PAPPA: variants seen among roughly 807,000 people sequenced by gnomAD.
PAPPA encodes the protein pappalysin-1.
PAPPA carries 60 observed loss-of-function variants against 164.0 expected under a neutral mutation model. That is an observed-to-expected ratio of 0.37 (90% CI 0.30 to 0.45). The LOEUF is 0.45. Among genes scored for constraint, PAPPA ranks in the 20% least tolerant of loss-of-function variants. PAPPA has a pLI of 1.00. For missense variants in PAPPA, 1,782 were observed against 2,087.3 expected (o/e 0.85, Z 2.85); for synonymous variants, 875 against 814.1 (o/e 1.07, Z -1.27).
intron 7 of PAPPA, 143 bp downstream of exon 7, chr9:116,235,780 A>G (rs535589403): frequency 1.2e-6 from 1 of 821,682 alleles, no homozygotes; most frequent in East Asian, 2.4e-5. Flanking sequence ...TTGGGTGTAG[A>G]TTTGTCTTAA....
chr9:116,341,692 G>A (rs184414736), intron 13 of PAPPA, among the ~76,000 whole-genome samples: 6 of 152,248 alleles, frequency 3.9e-5, no homozygotes, highest in South Asian at 2.1e-4. Flanking sequence ...TATCCCCTCC[G>A]TCCACTATAT....
intron 10 of PAPPA, among the ~76,000 whole-genome samples, chr9:116,328,141 A>G (rs755189935): frequency 3.9e-5 from 6 of 152,182 alleles, no homozygotes; most frequent in Admixed American, 1.3e-4. Context: ...AAGACCCCCA[A>G]TCCAGCCTTC....
intron 2 of PAPPA, among the ~76,000 whole-genome samples, chr9:116,192,334 T>G (rs1844052926): frequency 6.6e-6 from 1 of 152,104 alleles, no homozygotes; most frequent in Non-Finnish European, 1.5e-5. Context: ...GAGTGGTGTA[T>G]AGAAGAGAGC....
intron 7 of PAPPA, among the ~76,000 whole-genome samples, chr9:116,254,691 A>G (rs1844902683): frequency 6.7e-6 from 1 of 149,398 alleles, no homozygotes; most frequent in African/African-American, 2.5e-5. Context: ...CTGAGGCAGG[A>G]GAATGGCGTG....
intron 1 of PAPPA, among the ~76,000 whole-genome samples, chr9:116,165,552 C>T (rs1344087834): frequency 1.3e-5 from 2 of 152,044 alleles, no homozygotes; most frequent in Admixed American, 1.3e-4. Flanking sequence ...ATTATAATGC[C>T]CACTTCTCTG....
At chr9:116,364,808 A>G (rs1846478358) in intron 18 of PAPPA, among the ~76,000 whole-genome samples, 2 of 152,178 alleles carry the variant, frequency 1.3e-5, no homozygotes, top group Non-Finnish European at 1.5e-5. Context: ...GAGTGTTTTC[A>G]TGGTCAAAGC....
At chr9:116,267,856 T>C (rs1845087391) in intron 8 of PAPPA, among the ~76,000 whole-genome samples, 1 of 115,684 alleles carries the variant, frequency 8.6e-6, no homozygotes, top group African/African-American at 3.4e-5. Flanking sequence ...CAGTCCGGCC[T>C]GGGCGACAGA....
intron 18 of PAPPA, among the ~76,000 whole-genome samples, chr9:116,364,011 C>T (rs370596197): frequency 1.1e-4 from 16 of 152,184 alleles, no homozygotes; most frequent in South Asian, 4.1e-4. Context: ...TATACAGCCA[C>T]CAATTCATGA....
chr9:116,343,960 G>A lies in PAPPA; in HGVS notation c.3612-583G>A, dbSNP rs1296561773. On this transcript the variant is annotated intron_variant, in intron 13 of 21. Coordinates refer to ENST00000328252, the MANE Select transcript of PAPPA (RefSeq NM_002581.5). ...TATTTTCTTTTTTAGCAGAGGTGGG[G>A]TTTTACCATGTTGGTCAGCCTGGTC... Among the ~76,000 whole-genome samples, 3 of 151,922 alleles carry A rather than the reference G, an allele frequency of 2.0e-5. No homozygotes were observed. The South Asian group carries it at 6.2e-4, about 32-fold the overall frequency.
At chr9:116,344,761 T>C in intron 14 of PAPPA, 50 bp downstream of exon 14, 6 of 1,539,414 alleles carry the variant, frequency 3.9e-6, no homozygotes, top group Non-Finnish European at 5.4e-6. Context: ...AGGGAAGGCT[T>C]ACTGGGTGTT....
rs866353661 is a variant in PAPPA at position 116,207,477 on chromosome 9, G to A, written c.1500G>A (p.Glu500=). The A allele has an allele frequency of 2.5e-6, 4 of 1,612,414 alleles. No individual in the cohort carries two copies. In the Admixed American group the frequency reaches 6.7e-5, roughly 27 times the overall value. ...TCAGAGCCTACTTGGATGTTAATGA[G>A]CTGAAGAACATTCTTAAATTGGATG... ...SPHRAYLDVN[E]LKNILKLDGS... The change falls in exon 3 of 22, where the codon GAG becomes GAA. Residue 500 remains glutamate (E), a synonymous_variant. Coordinates refer to ENST00000328252, the MANE Select transcript of PAPPA (RefSeq NM_002581.5).
At chr9:116,374,119 G>C (rs1846613871) in intron 19 of PAPPA, among the ~76,000 whole-genome samples, 1 of 150,944 alleles carries the variant, frequency 6.6e-6, no homozygotes, top group African/African-American at 2.4e-5. Flanking sequence ...CTATGATGAT[G>C]ATGATAAAAA....
chr9:116,311,056 CTT>C (rs56043415), intron 10 of PAPPA, among the ~76,000 whole-genome samples: 79,334 of 120,698 alleles, frequency 0.66, 25,825 homozygotes, highest in East Asian at 0.88. Context: ...AACATGTGGA[CTT>C]TTTTTTTTTT....
intron 7 of PAPPA, among the ~76,000 whole-genome samples, chr9:116,238,492 C>T (rs575848195): frequency 2.1e-4 from 32 of 152,308 alleles, no homozygotes; most frequent in African/African-American, 7.5e-4. Context: ...AGATTCTGTA[C>T]TGGAAACAGT....
intron 15 of PAPPA, among the ~76,000 whole-genome samples, chr9:116,350,404 G>A (rs754136219): frequency 1.3e-5 from 2 of 152,142 alleles, no homozygotes; most frequent in Non-Finnish European, 2.9e-5. Context: ...TTGCAGGGGT[G>A]GGGGGACATA....
At chr9:116,337,515 A>AGCT in intron 13 of PAPPA, among the ~76,000 whole-genome samples, 1 of 152,340 alleles carries the variant, frequency 6.6e-6, no homozygotes, top group Non-Finnish European at 1.5e-5. Context: ...CACTTTTTAT[A>AGCT]ACACAAATTT....
At position 116,289,279 on chromosome 9, in the gene PAPPA, TA is replaced by T. The variant is rs1426963256; in HGVS notation, c.2954-13477del. Among the ~76,000 whole-genome samples the T allele has an allele frequency of 8.5e-3, 885 of 104,504 alleles. 158 individuals carry two copies. The highest frequency in any genetic ancestry group is 0.012 in the Non-Finnish European group (545 of 46,904). The allele number at this position is 104,504 out of a possible 152,430, so 68.6% of individuals were successfully genotyped here. A position where few individuals can be genotyped will look rare whatever the true frequency, so the allele number is the denominator to read the frequency against. ...GTAGCATATATATATAGCATATATA[TA>T]GCATATAAATAGCATATATATAGCA... On this transcript the variant is annotated intron_variant, in intron 9 of 21. Coordinates refer to ENST00000328252, the MANE Select transcript of PAPPA (RefSeq NM_002581.5).
rs1846670870 is a variant in PAPPA, at chr9:116,377,509, T to C, written c.4606-67T>C. 41 of 1,119,562 alleles carry C rather than the reference T, an allele frequency of 3.7e-5. No homozygotes were observed. The South Asian group carries it at 5.1e-4, about 14-fold the overall frequency. 69.4% of individuals were successfully genotyped at this position (1,119,562 alleles called of 1,614,324 possible). ...GAAGAGGTGAGGTGGTTAAATGTAA[T>C]GCCAACACGGAGGTGGGTCCCTCCC... On this transcript the variant is annotated intron_variant, in intron 19 of 21. Transcript: ENST00000328252.
At chr9:116,259,513 A>G (rs1477182927) in intron 7 of PAPPA, among the ~76,000 whole-genome samples, 1 of 152,234 alleles carries the variant, frequency 6.6e-6, no homozygotes, top group Admixed American at 6.5e-5. Flanking sequence ...GCATGACTAG[A>G]AACCTACTTG....
Sources: gnomAD v4.1 joint callset for allele counts (sites outside exome capture counted in the v4.1 genomes callset) on GRCh38, gnomAD v4.1.1 for gene constraint, MANE v1.5 for transcripts, NCBI Gene and HGNC (gene_info 2026-07-23, HGNC 2026-07-21) for gene names.